Variants in KDM4C observed in about 807,000 individuals in gnomAD.
The protein encoded by KDM4C is lysine demethylase 4C, also known as lysine-specific demethylase 4C.
KDM4C carries 81 observed loss-of-function variants against 129.3 expected under a neutral mutation model. That is an observed-to-expected ratio of 0.63 (90% CI 0.52 to 0.75). KDM4C has a LOEUF of 0.75. Among genes scored for constraint, KDM4C ranks in the 30% least tolerant of loss-of-function variants. KDM4C has a pLI of 0.00. For synonymous variants in KDM4C, 573 were observed against 456.1 expected (o/e 1.26, Z -3.26); for missense variants, 1,457 against 1,304.0 (o/e 1.12, Z -1.81).
intron 19 of KDM4C, among the ~76,000 whole-genome samples, chr9:7,137,258 A>G (rs1841311800): frequency 1.3e-5 from 2 of 152,246 alleles, no homozygotes; most frequent in African/African-American, 4.8e-5. Context: ...AGGCTTACCC[A>G]TGAATGTTCA....
chr9:7,058,840 T>C (rs1831231099), intron 17 of KDM4C, among the ~76,000 whole-genome samples: 1 of 141,050 alleles, frequency 7.1e-6, no homozygotes, highest in South Asian at 2.4e-4. Flanking sequence ...CATGCTGTAC[T>C]ACCAGTTTTT....
At position 7,038,735 on chromosome 9, in the gene KDM4C, A is replaced by G. The variant is rs12686336; in HGVS notation, c.2260-8127A>G. Among the ~76,000 whole-genome samples the G allele has an allele frequency of 1.9e-3, 283 of 152,170 alleles. 1 individual carries two copies. In the East Asian group the frequency reaches 0.029, roughly 15 times the overall value. ...TTTCTGTGCATTTAAATTTTAATGGACAATGTTAAATTCTTCTCCGTAACC... is the reference window on the plus strand; with the variant it reads ...TTTCTGTGCATTTAAATTTTAATGGGCAATGTTAAATTCTTCTCCGTAACC... On this transcript the variant is annotated intron_variant, in intron 15 of 21. Transcript: ENST00000381309.
intron 17 of KDM4C, among the ~76,000 whole-genome samples, chr9:7,085,985 G>C (rs1049841130): frequency 2.6e-5 from 4 of 152,022 alleles, no homozygotes; most frequent in African/African-American, 9.7e-5. Flanking sequence ...GCAAAATCCC[G>C]TGTCTACTAA....
At chr9:7,155,702 G>T (rs2130227264) in intron 19 of KDM4C, among the ~76,000 whole-genome samples, 1 of 152,246 alleles carries the variant, frequency 6.6e-6, no homozygotes, top group East Asian at 1.9e-4. Flanking sequence ...CTTTTTTATG[G>T]CTGACATGGT....
intron 17 of KDM4C, among the ~76,000 whole-genome samples, chr9:7,102,614 G>GTT (rs1837230729): frequency 6.6e-6 from 1 of 152,142 alleles, no homozygotes; most frequent in African/African-American, 2.4e-5. Context: ...GATCAGATGT[G>GTT]AGGACACGAA....
chr9:6,952,641 A>T (rs144107933), intron 8 of KDM4C, among the ~76,000 whole-genome samples: 1 of 151,928 alleles, frequency 6.6e-6, no homozygotes, highest in African/African-American at 2.4e-5. Context: ...GGGTTTCACT[A>T]TGTTGGCCAG....
chr9:6,746,581 TA>T (rs1383732412), intron 1 of KDM4C, among the ~76,000 whole-genome samples: 30 of 151,234 alleles, frequency 2.0e-4, no homozygotes. Context: ...TTTTGTATTT[TA>T]AAACAGAAAA....
intron 1 of KDM4C, among the ~76,000 whole-genome samples, chr9:6,741,996 G>A (rs973622112): frequency 2.0e-5 from 3 of 150,736 alleles, no homozygotes; most frequent in Non-Finnish European, 2.9e-5. Flanking sequence ...TTTTGGAGAC[G>A]GAGTCTTGCT....
chr9:7,135,595 G>A (rs541455760), intron 19 of KDM4C, among the ~76,000 whole-genome samples: 43 of 143,914 alleles, frequency 3.0e-4, no homozygotes, highest in South Asian at 1.1e-3. Flanking sequence ...GATGTTGTCC[G>A]TTCTGAGCTA....
intron 8 of KDM4C, chr9:6,978,735 C>T (rs1168721382): frequency 2.0e-5 from 3 of 147,580 alleles, no homozygotes; most frequent in Non-Finnish European, 4.6e-5. Flanking sequence ...ACAGCTCTCT[C>T]CTGGATAACC....
intron 1 of KDM4C, among the ~76,000 whole-genome samples, chr9:6,751,695 C>T (rs545380135): frequency 1.3e-5 from 2 of 152,200 alleles, no homozygotes; most frequent in Admixed American, 6.5e-5. Context: ...ATAATCAGAA[C>T]ACTTAAGGAA....
At chr9:7,086,655 C>G (rs946177009) in intron 17 of KDM4C, among the ~76,000 whole-genome samples, 1 of 152,176 alleles carries the variant, frequency 6.6e-6, no homozygotes, top group East Asian at 1.9e-4. Context: ...CTTTGATTTT[C>G]TCCTCAGATA....
rs1010673401 is a variant in KDM4C at position 7,013,706 on chromosome 9, C to G, written c.1969-82C>G. ...AAAAGTTAGAAGTTAGTGTCTGGAA[C>G]AGGAGTTAGTGGATTTGAGTGACTA... On this transcript the variant is annotated intron_variant, in intron 13 of 21. Transcript: ENST00000381309. 1.2e-5 allele frequency: 16 copies of G among 1,290,292 alleles called. No homozygotes were observed. The African/African-American group carries it at 2.4e-4, about 19-fold the overall frequency. The allele number at this position is 1,290,292 out of a possible 1,614,324, so 79.9% of individuals were successfully genotyped here.
At chr9:7,146,616 C>T (rs1309621049) in intron 19 of KDM4C, among the ~76,000 whole-genome samples, 1 of 152,174 alleles carries the variant, frequency 6.6e-6, no homozygotes, top group Non-Finnish European at 1.5e-5. Flanking sequence ...GAAGCAGTTT[C>T]TATGAAGTAA....
chr9:7,037,814 A>G (rs969503293), intron 15 of KDM4C, among the ~76,000 whole-genome samples: 1 of 152,126 alleles, frequency 6.6e-6, no homozygotes, highest in African/African-American at 2.4e-5. Context: ...TAGAGTAATC[A>G]TGTTACAACA....
chr9:6,755,573 A>G (rs532929604), upstream of KDM4C, among the ~76,000 whole-genome samples: 144 of 152,274 alleles, frequency 9.5e-4, 1 homozygote, highest in Admixed American at 1.8e-3. Flanking sequence ...AAATAAAATA[A>G]AATAAAAACA....
chr9:6,926,076 A>G (rs897881206), intron 8 of KDM4C, among the ~76,000 whole-genome samples: 2 of 152,100 alleles, frequency 1.3e-5, no homozygotes, highest in African/African-American at 4.8e-5. Flanking sequence ...CAGTTAAGAA[A>G]GTGCTGGCGA....
At chr9:6,773,616 C>T (rs1441379978) in intron 1 of KDM4C, among the ~76,000 whole-genome samples, 1 of 151,948 alleles carries the variant, frequency 6.6e-6, no homozygotes, top group African/African-American at 2.4e-5. Flanking sequence ...ACTAAAAATA[C>T]AAAAATTAGC....
intron 1 of KDM4C, among the ~76,000 whole-genome samples, chr9:6,727,845 A>T (rs1254684970): frequency 2.0e-5 from 3 of 150,254 alleles, no homozygotes; most frequent in African/African-American, 4.9e-5. Context: ...TGTTCTCAGT[A>T]TGAAAAACCT....
Sources: allele counts gnomAD v4.1 joint callset (sites outside exome capture counted in the v4.1 genomes callset), GRCh38; gene constraint gnomAD v4.1.1; transcripts MANE v1.5; gene names NCBI Gene and HGNC (gene_info 2026-07-23, HGNC 2026-07-21).